Variants in NRXN3 observed in about 807,000 individuals in gnomAD.
NRXN3 encodes the protein neurexin III.
NRXN3 carries 32 observed loss-of-function variants against 137.6 expected under a neutral mutation model. That is an observed-to-expected ratio of 0.23 (90% CI 0.18 to 0.31). The LOEUF (loss-of-function observed/expected upper bound fraction) is 0.31, where lower values mean the gene tolerates loss of function less well. NRXN3 is among the 10% of genes least tolerant of loss of function. The probability of loss-of-function intolerance (pLI) is 1.00; values close to 1 mark genes in which losing one functional copy is unlikely to be tolerated. For missense variants in NRXN3, 1,574 were observed against 2,062.5 expected (o/e 0.76, Z 4.59); for synonymous variants, 798 against 784.5 (o/e 1.02, Z -0.29).
intron 8 of NRXN3, among the ~76,000 whole-genome samples, chr14:78,719,206 T>C (rs1290750590): frequency 6.6e-6 from 1 of 152,190 alleles, no homozygotes; most frequent in Non-Finnish European, 1.5e-5. Context: ...AGAAAGTAAA[T>C]AAAGCTCAGC....
chr14:78,932,161 T>C (rs2099324009), intron 10 of NRXN3, among the ~76,000 whole-genome samples: 1 of 151,968 alleles, frequency 6.6e-6, no homozygotes, highest in Admixed American at 6.6e-5. Context: ...ATTAATTAAT[T>C]AATTTTTTTA....
intron 16 of NRXN3, among the ~76,000 whole-genome samples, chr14:79,599,491 C>T (rs903583269): frequency 2.0e-5 from 3 of 151,678 alleles, no homozygotes; most frequent in Non-Finnish European, 3.0e-5. Flanking sequence ...ACACCCCAAC[C>T]TAAAACAAAA....
intron 15 of NRXN3, among the ~76,000 whole-genome samples, chr14:79,270,298 C>A (rs1220500883): frequency 5.3e-5 from 8 of 152,122 alleles, no homozygotes; most frequent in East Asian, 3.9e-4. Flanking sequence ...TTGGAGGTTC[C>A]CCCACCACAC....
At chr14:79,464,233 T>C (rs1213444720) in intron 15 of NRXN3, among the ~76,000 whole-genome samples, 2 of 152,164 alleles carry the variant, frequency 1.3e-5, no homozygotes, top group Non-Finnish European at 2.9e-5. Context: ...TTTTTCTTCA[T>C]AGCAAAGTAA....
intron 4 of NRXN3, among the ~76,000 whole-genome samples, chr14:78,308,999 G>A (rs1310001519): frequency 1.3e-5 from 2 of 152,190 alleles, no homozygotes; most frequent in Non-Finnish European, 1.5e-5. Flanking sequence ...ACCTATAATG[G>A]CTTGTGTGCT....
At chr14:78,912,479 C>G (rs939684894) in intron 10 of NRXN3, among the ~76,000 whole-genome samples, 7 of 151,890 alleles carry the variant, frequency 4.6e-5, no homozygotes, top group Middle Eastern at 3.4e-3. Context: ...TATAATTTCC[C>G]CTATAGCAGA....
chr14:79,199,047 G>A (rs934739826), intron 15 of NRXN3, among the ~76,000 whole-genome samples: 3 of 151,958 alleles, frequency 2.0e-5, no homozygotes, highest in African/African-American at 7.2e-5. Context: ...TGCGCCTGTA[G>A]TCCCAGCTAC....
At chr14:79,534,124 A>G (rs1204787645) in intron 16 of NRXN3, among the ~76,000 whole-genome samples, 1 of 152,192 alleles carries the variant, frequency 6.6e-6, no homozygotes, top group Non-Finnish European at 1.5e-5. Context: ...AAAAGAGCTT[A>G]GAGATTGTTC....
At chr14:79,102,810 G>A (rs2051596490) in intron 15 of NRXN3, among the ~76,000 whole-genome samples, 1 of 152,106 alleles carries the variant, frequency 6.6e-6, no homozygotes. Context: ...TACATGGTAG[G>A]TTTGAAAAGA....
At chr14:78,722,963 C>A (rs1047184628) in intron 8 of NRXN3, among the ~76,000 whole-genome samples, 1 of 152,054 alleles carries the variant, frequency 6.6e-6, no homozygotes. Flanking sequence ...GCAGAAGGAA[C>A]AGATGTATAA....
chr14:78,715,552 G>A (rs993856837), intron 8 of NRXN3, among the ~76,000 whole-genome samples: 12 of 152,076 alleles, frequency 7.9e-5, no homozygotes, highest in South Asian at 2.1e-4. Flanking sequence ...CAGGTACATC[G>A]CTGTTTTTAT....
At chr14:78,983,854 T>TAAAA (rs965751583) in intron 14 of NRXN3, among the ~76,000 whole-genome samples, 3 of 105,954 alleles carry the variant, frequency 2.8e-5, no homozygotes, top group Non-Finnish European at 6.1e-5. Context: ...AGATTCCATT[T>TAAAA]AAAAAAAAAA....
intron 4 of NRXN3, among the ~76,000 whole-genome samples, chr14:78,366,039 T>C (rs2085888052): frequency 6.6e-6 from 1 of 152,206 alleles, no homozygotes; most frequent in African/African-American, 2.4e-5. Context: ...GTGTGATCTT[T>C]TAGCCAGTTA....
chr14:78,904,857 T>C (rs2099210197), intron 10 of NRXN3, among the ~76,000 whole-genome samples: 1 of 152,084 alleles, frequency 6.6e-6, no homozygotes, highest in Non-Finnish European at 1.5e-5. Context: ...TACACGGCTT[T>C]TCATAGTATA....
intron 4 of NRXN3, among the ~76,000 whole-genome samples, chr14:78,398,870 G>C (rs1293247870): frequency 6.6e-6 from 1 of 152,130 alleles, no homozygotes; most frequent in Non-Finnish European, 1.5e-5. Context: ...TCCTGGCTTG[G>C]CCTTATCTGA....
rs9788460 is a variant in NRXN3 at position 79,689,439 on chromosome 14, A to G, written c.3617-2734A>G. On this transcript the variant is annotated intron_variant, in intron 17 of 20. Transcript: ENST00000335750. The stretch of plus-strand genomic sequence containing the variant: ...AGATAAATTAAAATAAACACCAACA[A>G]GAACATGAAAAGAGACTAAGAACAA... Among the ~76,000 whole-genome samples, 137 of 152,240 alleles carry G rather than the reference A, an allele frequency of 9.0e-4. 4 individuals carry two copies. The East Asian group carries it at 0.023, about 26-fold the overall frequency.
At chr14:78,782,830 T>C (rs1017388114) in intron 8 of NRXN3, among the ~76,000 whole-genome samples, 11 of 152,222 alleles carry the variant, frequency 7.2e-5, no homozygotes, top group Non-Finnish European at 1.2e-4. Flanking sequence ...GAGAACTTCA[T>C]TGTGCTGGTG....
At chr14:79,513,944 A>G (rs953314546) in intron 16 of NRXN3, among the ~76,000 whole-genome samples, 1 of 152,182 alleles carries the variant, frequency 6.6e-6, no homozygotes, top group African/African-American at 2.4e-5. Flanking sequence ...ATAAATTAAT[A>G]CTTACATTCT....
intron 7 of NRXN3, among the ~76,000 whole-genome samples, chr14:78,713,468 C>T (rs1016995926): frequency 6.6e-6 from 1 of 152,182 alleles, no homozygotes; most frequent in Non-Finnish European, 1.5e-5. Context: ...AGTGACTCTA[C>T]ATTTTAAAGT....
Sources: gnomAD v4.1 joint callset for allele counts (sites outside exome capture counted in the v4.1 genomes callset) on GRCh38, gnomAD v4.1.1 for gene constraint, MANE v1.5 for transcripts, NCBI Gene and HGNC (gene_info 2026-07-23, HGNC 2026-07-21) for gene names.